SETD4: variants seen among roughly 807,000 people sequenced by gnomAD.
The protein encoded by SETD4 is SET domain containing 4.
Under a neutral mutation model 58.3 loss-of-function variants are expected in SETD4, and 46 were observed. The observed-to-expected ratio is 0.79, with a 90% CI of 0.62 to 1.01. The LOEUF is 1.01. SETD4 is among the 50% of genes least tolerant of loss of function. The pLI, the probability that SETD4 is intolerant of heterozygous loss-of-function variation, is 0.00. For synonymous variants in SETD4, 190 were observed against 202.6 expected (o/e 0.94, Z 0.53); for missense variants, 490 against 523.3 (o/e 0.94, Z 0.62).
At chr21:36,050,787 T>C (rs1235888907) in intron 4 of SETD4, 1 of 1,612,062 alleles carries the variant, frequency 6.2e-7, no homozygotes, top group Non-Finnish European at 8.5e-7. Context: ...AGCGCCATAC[T>C]TGTTCCAGAA....
intron 2 of SETD4, among the ~76,000 whole-genome samples, chr21:36,058,423 G>C (rs1480973328): frequency 6.6e-6 from 1 of 150,904 alleles, no homozygotes; most frequent in Non-Finnish European, 1.5e-5. Flanking sequence ...GAGGCTAAGG[G>C]AGGAGATCAC....
At chr21:36,046,444 C>A (rs1194735869) in intron 5 of SETD4, among the ~76,000 whole-genome samples, 1 of 152,180 alleles carries the variant, frequency 6.6e-6, no homozygotes, top group Non-Finnish European at 1.5e-5. Flanking sequence ...TCACTGGGTA[C>A]ACAGAGCTAT....
At chr21:36,047,219 C>A (rs1310722168) in intron 5 of SETD4, among the ~76,000 whole-genome samples, 6 of 152,168 alleles carry the variant, frequency 3.9e-5, no homozygotes, top group South Asian at 4.1e-4. Flanking sequence ...CACGCCACTG[C>A]ACTTCAGCCT....
rs199579766 is a variant in SETD4 at position 36,058,889 on chromosome 21, G to A, written c.-1C>T. 6.3e-7 allele frequency: 1 copy of A among 1,586,662 alleles called. No homozygotes were observed. The highest frequency in any genetic ancestry group is 1.4e-5 in the African/African-American group (1 of 73,570). On this transcript the variant is annotated 5_prime_UTR_variant, in exon 2 of 12. Transcript: ENST00000332131. ...TTGTTCTCCCTTTTCCTTTCTGCAT[G>A]CTAAAACTGTAGTTTCTTTTTTCTG...
intron 1 of SETD4, chr21:36,059,195 AC>A: frequency 4.6e-6 from 1 of 216,294 alleles, no homozygotes; most frequent in Non-Finnish European, 9.0e-6. Context: ...CCTAGTGACT[AC>A]AGCTTAATCT....
intron 2 of SETD4, chr21:36,057,525 T>TA (rs1568941622): frequency 1.8e-6 from 1 of 541,780 alleles, no homozygotes; most frequent in Non-Finnish European, 3.3e-6. Context: ...ACCACCACTG[T>TA]ACATGTGATC....
At chr21:36,059,041 A>G in intron 1 of SETD4, 117 bp from the exon 2 acceptor site, 3 of 1,202,374 alleles carry the variant, frequency 2.5e-6, no homozygotes, top group Non-Finnish European at 3.3e-6. Flanking sequence ...TTGTACCTTT[A>G]AGTATACAAA....
intron 10 of SETD4, among the ~76,000 whole-genome samples, chr21:36,037,389 G>A (rs1193861961): frequency 6.6e-6 from 1 of 152,108 alleles, no homozygotes; most frequent in African/African-American, 2.4e-5. Flanking sequence ...CGGATCACCT[G>A]AGGTCAGGAG....
Position 36,038,187 on chromosome 21 carries a change from T to C in SETD4, c.1151A>G (p.Tyr384Cys), listed in dbSNP as rs771723582. Residue 384 changes from tyrosine to cysteine, a missense_variant, in exon 10 of 12, where the codon TAT becomes TGT. By Grantham distance (194) the Tyr-to-Cys change is radical (BLOSUM62 -2). Coordinates refer to ENST00000332131, the MANE Select transcript of SETD4 (RefSeq NM_017438.5). ...TSLDIAQKIC[Y>C]YFIEETNAVL... ...AGCATTAGTCTCTTCTATGAAATAATAGCATATTTTCTGGGCTATGTCCAA... is the reference window on the plus strand; with the variant it reads ...AGCATTAGTCTCTTCTATGAAATAACAGCATATTTTCTGGGCTATGTCCAA... 1.1e-5 allele frequency: 17 copies of C among 1,613,988 alleles called. No homozygotes were observed. Among genetic ancestry groups the C allele is most frequent in the South Asian group, 6.6e-5 (6 of 91,020 alleles).
intron 3 of SETD4, among the ~76,000 whole-genome samples, chr21:36,055,036 G>A (rs1319798026): frequency 6.6e-6 from 1 of 151,986 alleles, no homozygotes; most frequent in Non-Finnish European, 1.5e-5. Context: ...TGCTTATACA[G>A]CTGGTTCTAG....
intron 10 of SETD4, among the ~76,000 whole-genome samples, 195 bp downstream of exon 10, chr21:36,037,955 C>T (rs964229841): frequency 1.3e-5 from 2 of 152,206 alleles, no homozygotes; most frequent in Non-Finnish European, 2.9e-5. Flanking sequence ...AAGATCGTGC[C>T]ATTGCACTCC....
intron 6 of SETD4, among the ~76,000 whole-genome samples, chr21:36,044,318 C>T (rs187348514): frequency 3.9e-5 from 6 of 152,360 alleles, no homozygotes; most frequent in Middle Eastern, 3.4e-3. Flanking sequence ...TCAGCTTTGC[C>T]AGCACTATGT....
intron 1 of SETD4, chr21:36,059,880 C>T: frequency 1.0e-6 from 1 of 985,436 alleles, no homozygotes; most frequent in Non-Finnish European, 1.2e-6. Context: ...CGGTGCGGGT[C>T]CCAGCGCTCA....
intron 10 of SETD4, among the ~76,000 whole-genome samples, chr21:36,037,048 T>C (rs952459774): frequency 6.6e-6 from 1 of 152,144 alleles, no homozygotes; most frequent in African/African-American, 2.4e-5. Context: ...TAGGGAGATG[T>C]TGATCAAAAG....
Position 36,058,896 on chromosome 21 carries a change from C to T in SETD4, c.-8G>A, listed in dbSNP as rs755053872. On this transcript the variant is annotated 5_prime_UTR_variant, in exon 2 of 12. Transcript: ENST00000332131. ...CCCTTTTCCTTTCTGCATGCTAAAA[C>T]TGTAGTTTCTTTTTTCTGAAATACA... 6.3e-7 allele frequency: 1 copy of T among 1,580,742 alleles called. No individual in the cohort carries two copies. The highest frequency in any genetic ancestry group is 8.6e-7 in the Non-Finnish European group (1 of 1,168,530).
At chr21:36,055,697 C>T (rs962927377) in intron 3 of SETD4, among the ~76,000 whole-genome samples, 4 of 152,206 alleles carry the variant, frequency 2.6e-5, no homozygotes, top group Non-Finnish European at 5.9e-5. Flanking sequence ...AAGCACTGGG[C>T]ACGGGTCACT....
chr21:36,042,734 G>T (rs1365602541), intron 7 of SETD4: 30 of 152,146 alleles, frequency 2.0e-4, no homozygotes, highest in Admixed American at 2.0e-3. Context: ...GGAAAAATCA[G>T]TCTTCTATGT....
intron 3 of SETD4, 28 bp from the exon 4 acceptor site, chr21:36,053,648 A>T (rs1285272030): frequency 1.2e-6 from 2 of 1,611,358 alleles, no homozygotes; most frequent in African/African-American, 2.7e-5. Flanking sequence ...GAAAGAGAGT[A>T]AATCCTACCA....
At chr21:36,037,030 A>G (rs781691640) in intron 10 of SETD4, among the ~76,000 whole-genome samples, 3 of 152,110 alleles carry the variant, frequency 2.0e-5, no homozygotes, top group Non-Finnish European at 4.4e-5. Context: ...GAGGGGTTGG[A>G]GAGGGATTAG....
Sources: gnomAD v4.1 joint callset for allele counts (sites outside exome capture counted in the v4.1 genomes callset) on GRCh38, gnomAD v4.1.1 for gene constraint, MANE v1.5 for transcripts, NCBI Gene and HGNC (gene_info 2026-07-23, HGNC 2026-07-21) for gene names.